CACNA1D: variants seen among roughly 807,000 people sequenced by gnomAD.
The protein encoded by CACNA1D is voltage-dependent L-type calcium channel subunit alpha-1D.
In CACNA1D, 55 loss-of-function variants were observed where a neutral mutation model predicts 257.1. That is an observed-to-expected ratio of 0.21 (90% CI 0.17 to 0.27). The LOEUF is 0.27. CACNA1D is among the 10% of genes least tolerant of loss of function. The pLI is 1.00. For synonymous variants in CACNA1D, 980 were observed against 1,014.9 expected (o/e 0.97, Z 0.65); for missense variants, 1,876 against 2,784.0 (o/e 0.67, Z 7.34).
intron 3 of CACNA1D, among the ~76,000 whole-genome samples, chr3:53,596,927 T>G (rs1363060191): frequency 2.0e-5 from 3 of 152,236 alleles, no homozygotes; most frequent in African/African-American, 7.2e-5. Context: ...GGACACAAAA[T>G]GTTTTCTGCC....
chr3:53,780,918 T>TA (rs1390298624), intron 38 of CACNA1D, among the ~76,000 whole-genome samples: 2 of 152,130 alleles, frequency 1.3e-5, no homozygotes. Context: ...GGTGACTTCT[T>TA]ACAACCCTAG....
At chr3:53,744,415 A>G (rs562937803) in intron 22 of CACNA1D, among the ~76,000 whole-genome samples, 2 of 152,328 alleles carry the variant, frequency 1.3e-5, no homozygotes, top group African/African-American at 4.8e-5. Context: ...CAAATGATAT[A>G]TGAAGCCTAA....
intron 29 of CACNA1D, among the ~76,000 whole-genome samples, chr3:53,761,489 A>G (rs1050417005): frequency 6.6e-6 from 1 of 152,260 alleles, no homozygotes; most frequent in Non-Finnish European, 1.5e-5. Flanking sequence ...GCCACAAGGC[A>G]TGGCCTTTGT....
At chr3:53,784,598 C>T (rs770450519) in intron 39 of CACNA1D, among the ~76,000 whole-genome samples, 19 of 152,136 alleles carry the variant, frequency 1.2e-4, no homozygotes, top group Non-Finnish European at 2.5e-4. Context: ...CCTGTATTTG[C>T]TAGAAGCATC....
chr3:53,641,826 G>A (rs557634062), intron 3 of CACNA1D, among the ~76,000 whole-genome samples: 7 of 152,168 alleles, frequency 4.6e-5, no homozygotes, highest in Admixed American at 3.3e-4. Flanking sequence ...TATAGGGCTC[G>A]GAGGCCCTGT....
intron 45 of CACNA1D, 22 bp downstream of exon 45, chr3:53,805,168 T>G (rs2095555834): frequency 1.2e-6 from 2 of 1,610,812 alleles, no homozygotes; most frequent in Non-Finnish European, 1.7e-6. Context: ...TTTTTTGTTT[T>G]GGGTGGAACC....
In CACNA1D at chr3:53,497,272, C is replaced by G; in HGVS notation, c.188C>G (p.Ala63Gly). 1 of 1,614,152 alleles carries G rather than the reference C, an allele frequency of 6.2e-7. No individual in the cohort carries two copies. The highest frequency in any genetic ancestry group is 8.5e-7 in the Non-Finnish European group (1 of 1,180,028). The change falls in exon 2 of 48, where the codon GCC becomes GGC. Residue 63 changes from alanine to glycine, a missense_variant. Physicochemically the swap from Ala to Gly is moderately conservative, Grantham distance 60. This residue lies in a region of CACNA1D where 143 missense variants were observed against 168.7 expected (regional missense o/e 0.85). Coordinates refer to ENST00000350061, the MANE Select transcript of CACNA1D (RefSeq NM_001128840.3). ...GCTGCAATCGATGCTGCTAGACAGG[C>G]CAAGGCTGCCCAAACTATGAGCACC... ...WQAAIDAARQ[A>G]KAAQTMSTSA...
intron 3 of CACNA1D, among the ~76,000 whole-genome samples, chr3:53,639,432 G>T (rs548015523): frequency 2.5e-4 from 38 of 151,876 alleles, no homozygotes; most frequent in African/African-American, 8.2e-4. Flanking sequence ...TGTCAACCAG[G>T]CTACAGTGCA....
chr3:53,790,399 CTTTCT>C (rs1450997857), intron 40 of CACNA1D, among the ~76,000 whole-genome samples: 1 of 152,234 alleles, frequency 6.6e-6, no homozygotes, highest in African/African-American at 2.4e-5. Context: ...GTTCATTTCT[CTTTCT>C]TTTAACATTC....
chr3:53,619,539 G>A (rs1228750891), intron 3 of CACNA1D, among the ~76,000 whole-genome samples: 1 of 152,190 alleles, frequency 6.6e-6, no homozygotes, highest in Non-Finnish European at 1.5e-5. Context: ...ATGGCTAAGC[G>A]GGTGCTGTGG....
At position 53,680,346 on chromosome 3, in the gene CACNA1D, C is replaced by CT. The variant is rs552000840; in HGVS notation, c.1220+7233dup. Among the ~76,000 whole-genome samples, 199 of 146,130 alleles carry CT rather than the reference C, an allele frequency of 1.4e-3. 1 individual carries two copies. Among genetic ancestry groups the CT allele is most frequent in the Middle Eastern group, 3.6e-3 (1 of 276 alleles). ...GCTATCATCTGTTCCTGACCAAGTT[C>CT]TTTTTTTTTTTTTAATAATGTACAG... is the stretch of plus-strand genomic sequence containing the variant. On this transcript the variant is annotated intron_variant, in intron 8 of 47. Transcript: ENST00000350061.
chr3:53,587,558 G>A (rs1006818464), intron 3 of CACNA1D, among the ~76,000 whole-genome samples: 1 of 152,146 alleles, frequency 6.6e-6, no homozygotes, highest in Non-Finnish European at 1.5e-5. Flanking sequence ...GGGGACAGGT[G>A]GTTCTGGAGC....
intron 3 of CACNA1D, among the ~76,000 whole-genome samples, chr3:53,626,658 CAGCTTT>C (rs1201202748): frequency 3.3e-5 from 5 of 152,284 alleles, no homozygotes; most frequent in African/African-American, 9.6e-5. Context: ...GTTTCAGTTT[CAGCTTT>C]AGCCACCATC....
Position 53,620,676 on chromosome 3 carries a change from G to A in CACNA1D, c.484-30103G>A, listed in dbSNP as rs561710451. The stretch of plus-strand genomic sequence containing the variant: ...TCATGATGTGGGAACATCTCTTCCA[G>A]TTGAGAACTCTCTAAAGCATTTGCA... On this transcript the variant is annotated intron_variant, in intron 3 of 47. Coordinates refer to ENST00000350061, the MANE Select transcript of CACNA1D (RefSeq NM_001128840.3). Among the ~76,000 whole-genome samples the A allele has an allele frequency of 2.6e-4, 39 of 152,352 alleles. No individual in the cohort carries two copies. The South Asian group carries it at 7.5e-3, about 29-fold the overall frequency.
At chr3:53,666,587 G>A (rs1158065173) in intron 7 of CACNA1D, 52 bp downstream of exon 7, 1 of 1,485,314 alleles carries the variant, frequency 6.7e-7, no homozygotes, top group Non-Finnish European at 9.4e-7. Flanking sequence ...TGGATAAGTG[G>A]GTTTTGTGAG....
intron 37 of CACNA1D, among the ~76,000 whole-genome samples, chr3:53,778,170 G>A (rs566070513): frequency 3.0e-4 from 45 of 152,270 alleles, no homozygotes; most frequent in African/African-American, 6.7e-4. Context: ...TCTTCAGGCC[G>A]GACTCTGGAT....
chr3:53,749,642 T>C (rs1328219183), intron 27 of CACNA1D, among the ~76,000 whole-genome samples, 173 bp downstream of exon 27: 1 of 152,172 alleles, frequency 6.6e-6, no homozygotes, highest in Non-Finnish European at 1.5e-5. Flanking sequence ...CTGCTGAGCG[T>C]TAGGTTTCCC....
chr3:53,574,097 A>G (rs961136917), intron 3 of CACNA1D, among the ~76,000 whole-genome samples: 1 of 152,158 alleles, frequency 6.6e-6, no homozygotes, highest in Non-Finnish European at 1.5e-5. Flanking sequence ...TCTGAGCCCC[A>G]TCTCAGGGTG....
At chr3:53,519,831 C>T (rs2091482089) in intron 3 of CACNA1D, among the ~76,000 whole-genome samples, 1 of 152,192 alleles carries the variant, frequency 6.6e-6, no homozygotes, top group African/African-American at 2.4e-5. Flanking sequence ...CTAGCCCCAG[C>T]CCTAGGCAAT....
Sources: allele counts gnomAD v4.1 joint callset (sites outside exome capture counted in the v4.1 genomes callset), GRCh38; gene constraint gnomAD v4.1.1; regional missense constraint gnomAD v4.1.1; transcripts MANE v1.5; gene names NCBI Gene and HGNC (gene_info 2026-07-23, HGNC 2026-07-21).